The following PCDHA7 variants were observed in gnomAD, a reference collection of about 807,000 sequenced individuals.
PCDHA7 encodes the protein protocadherin alpha-7.
A neutral mutation model predicts 57.2 loss-of-function variants in PCDHA7; 37 were observed. The ratio of observed to expected loss-of-function variants is 0.65; its 90% CI spans 0.50 to 0.85. The LOEUF is 0.85. PCDHA7 is among the 40% of genes least tolerant of loss of function. The probability of loss-of-function intolerance (pLI) is 0.00; values close to 1 mark genes in which losing one functional copy is unlikely to be tolerated. For missense variants in PCDHA7, 1,188 were observed against 1,241.8 expected (o/e 0.96, Z 0.65); for synonymous variants, 553 against 558.8 (o/e 0.99, Z 0.15).
In PCDHA7 at chr5:140,843,667, A is replaced by G. The variant is rs143385524; in HGVS notation, c.2355+6929A>G. Reference sequence around the variant, plus strand: ...CCTGCCTTCCTCCTGATCTGGGATCAGTTGATGTAGGCGAAGAGCAAGATT... The same window carrying G: ...CCTGCCTTCCTCCTGATCTGGGATCGGTTGATGTAGGCGAAGAGCAAGATT... On this transcript the variant is annotated intron_variant, in intron 1 of 3. Coordinates refer to ENST00000525929, the MANE Select transcript of PCDHA7 (RefSeq NM_018910.3). The G allele has an allele frequency of 5.3e-5, 84 of 1,593,334 alleles. 5 individuals are homozygous for G. Among genetic ancestry groups the G allele is most frequent in the Non-Finnish European group, 6.5e-5 (76 of 1,163,092 alleles).
chr5:140,838,077 AGTGTGTG>A (rs1241834179), intron 1 of PCDHA7, among the ~76,000 whole-genome samples: 11 of 80,662 alleles, frequency 1.4e-4, no homozygotes, highest in African/African-American at 1.8e-4. Context: ...ATATATATAT[AGTGTGTG>A]TGTGTGTGTG....
chr5:140,862,315 C>T, intron 1 of PCDHA7: 1 of 317,364 alleles, frequency 3.2e-6, no homozygotes, highest in Non-Finnish European at 6.2e-6. Context: ...CCGTCATAGC[C>T]CTAATCAGTG....
intron 1 of PCDHA7, chr5:140,928,237 C>T: frequency 6.2e-7 from 1 of 1,614,228 alleles, no homozygotes; most frequent in Non-Finnish European, 8.5e-7. Context: ...TCCTCAACCC[C>T]AGCAGGAACT....
At position 140,927,719 on chromosome 5, in the gene PCDHA7, C is replaced by A. The variant is rs144571902; in HGVS notation, c.2356-51230C>A. Reference sequence around the variant, plus strand: ...GTCCAGTACTCCCTAAGCAACAGCACGCAAGCAGAGCTGCGACACCGCTTT... The same window carrying A: ...GTCCAGTACTCCCTAAGCAACAGCAAGCAAGCAGAGCTGCGACACCGCTTT... On this transcript the variant is annotated intron_variant, in intron 1 of 3. Transcript: ENST00000525929. The A allele has an allele frequency of 2.2e-4, 352 of 1,614,178 alleles. No individual in the cohort carries two copies. In the Middle Eastern group the frequency reaches 2.3e-3, roughly 11 times the overall value.
intron 1 of PCDHA7, among the ~76,000 whole-genome samples, chr5:140,952,940 G>A (rs2094821781): frequency 6.6e-6 from 1 of 152,066 alleles, no homozygotes. Context: ...AGGAGCAAGA[G>A]AGAGAGAAGG....
rs374163229 is a variant in PCDHA7 at position 140,870,784 on chromosome 5, G to C, written c.2355+34046G>C. 16 of 1,613,456 alleles carry C rather than the reference G, an allele frequency of 9.9e-6. No homozygotes were observed. The African/African-American group carries it at 2.0e-4, about 20-fold the overall frequency. On this transcript the variant is annotated intron_variant, in intron 1 of 3. Transcript: ENST00000525929. ...GTTCGTGCTGGACGAGAACGACAAC[G>C]CGCCGGCACTGCTGGCGACTCAGGC...
rs547166699 is a variant in PCDHA7 at position 140,982,068 on chromosome 5, TTAGAG to T, written c.2415-401_2415-397del. On this transcript the variant is annotated intron_variant, in intron 2 of 3. Transcript: ENST00000525929. ...AAAATATTTTAGTGTGTTTTCTTCT[TTAGAG>T]TAGAGAACCTAGGAACAAGAGAACC... 3.5e-3 allele frequency among the ~76,000 whole-genome samples: 532 copies of T among 152,340 alleles called. 2 individuals carry two copies. Among genetic ancestry groups the T allele is most frequent in the Non-Finnish European group, 5.4e-3 (369 of 68,028 alleles).
intron 1 of PCDHA7, among the ~76,000 whole-genome samples, chr5:140,905,764 A>G (rs2072069491): frequency 6.6e-6 from 1 of 152,144 alleles, no homozygotes; most frequent in African/African-American, 2.4e-5. Flanking sequence ...TTGGTTAAGT[A>G]TATTCCGAAG....
At position 140,862,768 on chromosome 5, in the gene PCDHA7, G is replaced by C. The variant is rs1409687409; in HGVS notation, c.2355+26030G>C. The C allele has an allele frequency of 8.7e-6, 5 of 576,458 alleles. No individual in the cohort carries two copies. The African/African-American group carries it at 9.8e-5, about 11-fold the overall frequency. 35.7% of individuals were successfully genotyped at this position (576,458 alleles called of 1,614,324 possible). A position where few individuals can be genotyped will look rare whatever the true frequency, so the allele number is the denominator to read the frequency against. On this transcript the variant is annotated intron_variant, in intron 1 of 3. Transcript: ENST00000525929. ...GCACGCGGAGAGCGGCAAGAGGTAC[G>C]CGTTGCAGCCACTGGACTACGAGGA...
chr5:140,889,518 ATAT>A (rs2062258374), intron 1 of PCDHA7, among the ~76,000 whole-genome samples: 1 of 151,708 alleles, frequency 6.6e-6, no homozygotes, highest in South Asian at 2.1e-4. Flanking sequence ...TCCATTCTTG[ATAT>A]TATTTTTGCT....
chr5:140,881,587 G>C (rs1025219392), intron 1 of PCDHA7, among the ~76,000 whole-genome samples: 2 of 152,186 alleles, frequency 1.3e-5, no homozygotes, highest in Non-Finnish European at 1.5e-5. Context: ...CACATTGAGG[G>C]AAATTTATTA....
intron 1 of PCDHA7, among the ~76,000 whole-genome samples, chr5:140,838,280 A>ATTTTTTTT (rs34299325): frequency 2.9e-5 from 4 of 139,572 alleles, no homozygotes; most frequent in African/African-American, 8.2e-5. Flanking sequence ...AGCCATGCTA[A>ATTTTTTTT]TTTTTTTTTT....
In PCDHA7 at chr5:140,988,105, A is replaced by C. The variant is rs2097283158; in HGVS notation, c.2503+5542A>C. On this transcript the variant is annotated intron_variant, in intron 3 of 3. Transcript: ENST00000525929. ...TGAGTGCAGCCTCGGGCCTTGTTGGAGAATTTAGAAAGCATGCTGTTCCAC... is the reference window on the plus strand; with the variant it reads ...TGAGTGCAGCCTCGGGCCTTGTTGGCGAATTTAGAAAGCATGCTGTTCCAC... Among the ~76,000 whole-genome samples the C allele has an allele frequency of 2.6e-5, 4 of 152,138 alleles. No individual in the cohort carries two copies. In the South Asian group the frequency reaches 8.3e-4, roughly 32 times the overall value.
chr5:140,849,758 C>A (rs2150448460), intron 1 of PCDHA7: 1 of 1,598,492 alleles, frequency 6.3e-7, no homozygotes, highest in Non-Finnish European at 8.6e-7. Context: ...TGTCCGCCTA[C>A]GAGCTGGTGG....
intron 1 of PCDHA7, chr5:140,868,213 A>G (rs1296985055): frequency 6.6e-6 from 1 of 152,200 alleles, no homozygotes; most frequent in Non-Finnish European, 1.5e-5. Flanking sequence ...GAAATAATAT[A>G]TGTCAAATAA....
chr5:140,881,959 C>G (rs1012115110), intron 1 of PCDHA7: 146 of 352,464 alleles, frequency 4.1e-4, no homozygotes, highest in Non-Finnish European at 1.3e-4. Context: ...AACATTTAAT[C>G]TTCAATTACA....
chr5:140,988,658 T>C (rs1470835683), intron 3 of PCDHA7, among the ~76,000 whole-genome samples: 7 of 152,232 alleles, frequency 4.6e-5, no homozygotes, highest in African/African-American at 9.6e-5. Flanking sequence ...TTTTTGTTTA[T>C]GAATAGACTC....
chr5:141,002,336 C>A (rs1236741058), intron 3 of PCDHA7, among the ~76,000 whole-genome samples: 3 of 152,084 alleles, frequency 2.0e-5, no homozygotes, highest in Non-Finnish European at 2.9e-5. Flanking sequence ...TGCATCCGCA[C>A]CCCTTCCCCC....
chr5:140,834,580 C>A lies in PCDHA7; in HGVS notation c.197C>A (p.Ala66Glu), dbSNP rs782011323. 9 of 1,613,900 alleles carry A rather than the reference C, an allele frequency of 5.6e-6. No homozygotes were observed. The Admixed American group carries it at 8.3e-5, about 15-fold the overall frequency. Reference sequence around the variant, plus strand: ...GAGCTGGTGCCGCGCCTGTTCCGGGCGGTGTGCAAATTCCGTGGGGATCTT... The same window carrying A: ...GAGCTGGTGCCGCGCCTGTTCCGGGAGGTGTGCAAATTCCGTGGGGATCTT... ...LAELVPRLFRAVCKFRGDLLE... is the reference protein window; with the variant it reads ...LAELVPRLFREVCKFRGDLLE... The change falls in exon 1 of 4, where the codon GCG (alanine) becomes GAG (glutamate). Residue 66 changes from alanine to glutamate, a missense_variant. Physicochemically the swap from Ala to Glu is moderately radical, Grantham distance 107. Coordinates refer to ENST00000525929, the MANE Select transcript of PCDHA7 (RefSeq NM_018910.3).
Sources: allele counts gnomAD v4.1 joint callset (sites outside exome capture counted in the v4.1 genomes callset), GRCh38; gene constraint gnomAD v4.1.1; transcripts MANE v1.5; gene names NCBI Gene and HGNC (gene_info 2026-07-23, HGNC 2026-07-21).